The following SH3PXD2A variants were observed in gnomAD, a reference collection of about 807,000 sequenced individuals.
The protein encoded by SH3PXD2A is SH3 and PX domain-containing protein 2A.
A neutral mutation model predicts 115.2 loss-of-function variants in SH3PXD2A; 32 were observed. The ratio of observed to expected loss-of-function variants is 0.28; its 90% confidence interval spans 0.21 to 0.37. The LOEUF (loss-of-function observed/expected upper bound fraction) is 0.37, where lower values mean the gene tolerates loss of function less well. Among genes scored for constraint, SH3PXD2A ranks in the 10% least tolerant of loss-of-function variants. The pLI is 1.00. For synonymous variants in SH3PXD2A, 610 were observed against 629.1 expected (o/e 0.97, Z 0.45); for missense variants, 1,328 against 1,498.7 (o/e 0.89, Z 1.88).
intron 4 of SH3PXD2A, among the ~76,000 whole-genome samples, chr10:103,733,230 C>T (rs570025556): frequency 2.0e-5 from 3 of 152,166 alleles, no homozygotes; most frequent in South Asian, 2.1e-4. Flanking sequence ...CCCAGCTACG[C>T]GTGGTACACT....
intron 1 of SH3PXD2A, among the ~76,000 whole-genome samples, chr10:103,819,224 A>G (rs1425876107): frequency 6.6e-6 from 1 of 152,168 alleles, no homozygotes; most frequent in African/African-American, 2.4e-5. Flanking sequence ...GAGCAGTACT[A>G]AGGGACAATG....
chr10:103,658,014 T>C (rs1001990503), intron 8 of SH3PXD2A, among the ~76,000 whole-genome samples: 31 of 152,356 alleles, frequency 2.0e-4, no homozygotes, highest in African/African-American at 7.5e-4. Context: ...CCTCTTAGCC[T>C]ATTACTTCAG....
intron 9 of SH3PXD2A, among the ~76,000 whole-genome samples, chr10:103,625,069 CGCAGAATCTGCA>C (rs1564847284): frequency 1.3e-5 from 2 of 152,056 alleles, no homozygotes; most frequent in African/African-American, 4.8e-5. Flanking sequence ...CGCCTCTGAA[CGCAGAATCTGCA>C]CTGGCTGCCT....
intron 5 of SH3PXD2A, among the ~76,000 whole-genome samples, chr10:103,695,204 T>C (rs933328807): frequency 6.6e-6 from 1 of 152,170 alleles, no homozygotes; most frequent in Non-Finnish European, 1.5e-5. Flanking sequence ...TCCCCCTGGC[T>C]GCCAGTAGCC....
chr10:103,641,872 G>A (rs540842535), intron 8 of SH3PXD2A, among the ~76,000 whole-genome samples: 1 of 152,190 alleles, frequency 6.6e-6, no homozygotes, highest in Non-Finnish European at 1.5e-5. Context: ...CCAGGCAAGA[G>A]TGACTCTGAA....
At chr10:103,782,444 G>C (rs1457328930) in intron 2 of SH3PXD2A, among the ~76,000 whole-genome samples, 1 of 152,202 alleles carries the variant, frequency 6.6e-6, no homozygotes, top group African/African-American at 2.4e-5. Flanking sequence ...AGGAGGAATG[G>C]GAGCTAAATA....
intron 9 of SH3PXD2A, among the ~76,000 whole-genome samples, chr10:103,625,640 C>A (rs1358710016): frequency 6.6e-6 from 1 of 152,206 alleles, no homozygotes; most frequent in Non-Finnish European, 1.5e-5. Context: ...TGCCTGTAAT[C>A]CCAGCACTTT....
chr10:103,620,845 T>C lies in SH3PXD2A; in HGVS notation c.802+1625A>G, dbSNP rs985888231. On this transcript the variant is annotated intron_variant, in intron 10 of 14. Coordinates refer to ENST00000369774, the MANE Select transcript of SH3PXD2A (RefSeq NM_001394015.1). The surrounding 1 kb of genome is among the most constrained non-coding windows in gnomAD (Gnocchi z 5.3). ...ACTGTATGTCTGTGACTGGCATATA[T>C]GTGGTGCAAGGCGTTGTGTGTATGA... Among the ~76,000 whole-genome samples the C allele has an allele frequency of 2.0e-5, 3 of 152,198 alleles. No individual in the cohort carries two copies. The highest frequency in any genetic ancestry group is 7.2e-5 in the African/African-American group (3 of 41,436).
At chr10:103,662,081 G>A in intron 7 of SH3PXD2A, 2 of 525,760 alleles carry the variant, frequency 3.8e-6, no homozygotes, top group Non-Finnish European at 4.9e-6. Context: ...CTGCCTTTCA[G>A]TGCCGGGGCT....
chr10:103,739,994 G>A (rs1427350425), intron 3 of SH3PXD2A, among the ~76,000 whole-genome samples: 2 of 152,160 alleles, frequency 1.3e-5, no homozygotes, highest in African/African-American at 2.4e-5. Flanking sequence ...TGTGCTCATC[G>A]GAGGCCTGGG....
intron 1 of SH3PXD2A, among the ~76,000 whole-genome samples, chr10:103,830,633 T>A (rs1030700331): frequency 1.3e-5 from 2 of 152,174 alleles, no homozygotes; most frequent in Non-Finnish European, 2.9e-5. Context: ...GACATGAGTA[T>A]GGAATACCAT....
intron 6 of SH3PXD2A, among the ~76,000 whole-genome samples, chr10:103,691,920 C>G (rs73332632): frequency 0.027 from 4,143 of 152,232 alleles, 194 homozygotes; most frequent in African/African-American, 0.093. Context: ...CTTGTACACA[C>G]AGAAACATAC....
intron 2 of SH3PXD2A, among the ~76,000 whole-genome samples, chr10:103,799,277 A>G (rs955419335): frequency 6.6e-6 from 1 of 152,246 alleles, no homozygotes; most frequent in East Asian, 1.9e-4. Flanking sequence ...AAAATCAGCG[A>G]CCTGATAAAT....
rs2061562925 is a variant in SH3PXD2A, at chr10:103,599,511, A to ACAGT, written c.*2301_*2304dup. On this transcript the variant is annotated 3_prime_UTR_variant, in exon 15 of 15. Transcript: ENST00000369774. ...AGCTACATTGAAGGTTCTTTACCTGACAGTCACTCTACTTTTAAATTTTAT... is the reference window on the plus strand; with the variant it reads ...AGCTACATTGAAGGTTCTTTACCTGACAGTCAGTCACTCTACTTTTAAATTTTAT... The ACAGT allele has an allele frequency of 6.6e-6, 1 of 152,630 alleles. No individual in the cohort carries two copies. Among genetic ancestry groups the ACAGT allele is most frequent in the Non-Finnish European group, 1.5e-5 (1 of 68,034 alleles). The allele number at this position is 152,630 out of a possible 1,614,324, so 9.5% of individuals were successfully genotyped here.
chr10:103,610,976 C>T (rs2036418183), intron 13 of SH3PXD2A, among the ~76,000 whole-genome samples: 1 of 152,242 alleles, frequency 6.6e-6, no homozygotes, highest in South Asian at 2.1e-4. Context: ...CAGCCTGCCA[C>T]CAGCATCGCA....
chr10:103,722,985 T>A (rs1279195588), intron 5 of SH3PXD2A, among the ~76,000 whole-genome samples: 1 of 152,196 alleles, frequency 6.6e-6, no homozygotes, highest in Non-Finnish European at 1.5e-5. Context: ...TTAGCATGCG[T>A]GAAGACAGAA....
At chr10:103,626,606 T>TAA (rs150670940) in intron 9 of SH3PXD2A, among the ~76,000 whole-genome samples, 9 of 114,648 alleles carry the variant, frequency 7.9e-5, no homozygotes, top group Non-Finnish European at 1.5e-4. Context: ...TGTTTGGAAT[T>TAA]AAAAAAAAAA....
Position 103,699,997 on chromosome 10 carries a change from C to T in SH3PXD2A, c.399-6941G>A, listed in dbSNP as rs987450484. Among the ~76,000 whole-genome samples, 5 of 152,306 alleles carry T rather than the reference C, an allele frequency of 3.3e-5. 1 individual carries two copies. The East Asian group carries it at 9.6e-4, about 29-fold the overall frequency. ...ATGGCCATCATAGACCCCAGAACCC[C>T]GCCCCCCAGGCATTTTGTCTCCTGA... On this transcript the variant is annotated intron_variant, in intron 5 of 14. Transcript: ENST00000369774.
chr10:103,742,074 G>C (rs896349670), intron 3 of SH3PXD2A, among the ~76,000 whole-genome samples: 2 of 152,296 alleles, frequency 1.3e-5, no homozygotes, highest in Admixed American at 1.3e-4. Context: ...GCTTGAGCCT[G>C]GGGGGTTGAG....
Sources: gnomAD v4.1 joint callset for allele counts (sites outside exome capture counted in the v4.1 genomes callset) on GRCh38, gnomAD v4.1.1 for gene constraint, Gnocchi (gnomAD v3.1) non-coding constraint, MANE v1.5 for transcripts, NCBI Gene and HGNC (gene_info 2026-07-23, HGNC 2026-07-21) for gene names.